Variants in GLT8D2 observed in about 807,000 individuals in gnomAD.
GLT8D2 encodes glycosyltransferase 8 domain containing 2, also known as glycosyltransferase 8 domain-containing protein 2.
In GLT8D2, 45 loss-of-function variants were observed where a neutral mutation model predicts 44.5. The observed-to-expected ratio is 1.01, with a 90% confidence interval of 0.80 to 1.30. The LOEUF is 1.30. GLT8D2 is among the 50% of genes most tolerant of loss of function. The probability of loss-of-function intolerance (pLI) is 0.00; values close to 1 mark genes in which losing one functional copy is unlikely to be tolerated. For missense variants in GLT8D2, 400 were observed against 430.4 expected (o/e 0.93, Z 0.62); for synonymous variants, 156 against 157.2 (o/e 0.99, Z 0.06).
chr12:104,023,998 G>A (rs1655011027), intron 1 of GLT8D2, among the ~76,000 whole-genome samples: 1 of 152,138 alleles, frequency 6.6e-6, no homozygotes, highest in Non-Finnish European at 1.5e-5. Flanking sequence ...GTAAACACTT[G>A]TTTACAGGTT....
intron 7 of GLT8D2, among the ~76,000 whole-genome samples, chr12:103,997,178 A>G (rs935465580): frequency 1.3e-5 from 2 of 152,224 alleles, no homozygotes; most frequent in Non-Finnish European, 2.9e-5. Context: ...CATCCGTGAC[A>G]CTTTATTTCC....
chr12:104,028,459 A>G (rs77142627), intron 1 of GLT8D2, among the ~76,000 whole-genome samples: 5,625 of 152,276 alleles, frequency 0.037, 183 homozygotes, highest in South Asian at 0.083. Context: ...TGAGGGCACT[A>G]AAGTCAAGTG....
chr12:104,018,340 T>C (rs1362233435), intron 3 of GLT8D2, among the ~76,000 whole-genome samples: 2 of 152,206 alleles, frequency 1.3e-5, no homozygotes, highest in African/African-American at 4.8e-5. Flanking sequence ...ATCTATTTTT[T>C]GGCCTCTATG....
At chr12:104,012,157 C>T (rs1283938022) in intron 4 of GLT8D2, among the ~76,000 whole-genome samples, 6 of 105,386 alleles carry the variant, frequency 5.7e-5, no homozygotes, top group Admixed American at 4.0e-4. Context: ...GCAACAAGAG[C>T]GAAACTCTGT....
In GLT8D2 at chr12:103,999,298, A is replaced by G. The variant is rs967947983; in HGVS notation, c.402+99T>C. 13 of 679,502 alleles carry G rather than the reference A, an allele frequency of 1.9e-5. No homozygotes were observed. In the Admixed American group the frequency reaches 3.0e-4, roughly 16 times the overall value. 42.1% of individuals were successfully genotyped at this position (679,502 alleles called of 1,614,324 possible). A position where few individuals can be genotyped will look rare whatever the true frequency, so the allele number is the denominator to read the frequency against. On this transcript the variant is annotated intron_variant, in intron 6 of 10. Coordinates refer to ENST00000360814, the MANE Select transcript of GLT8D2 (RefSeq NM_001384711.1). ...GTGGAGATCAACTCCACATGGCTTC[A>G]AAAATAATATTCCACATGCATCCCG...
intron 1 of GLT8D2, chr12:104,031,497 G>A (rs1290449860): frequency 2.5e-6 from 4 of 1,613,152 alleles, no homozygotes; most frequent in African/African-American, 1.3e-5. Context: ...GAGACGGTGC[G>A]CAAAGCCATG....
chr12:104,057,672 CACAAA>C (rs1882295858), intron 1 of GLT8D2, among the ~76,000 whole-genome samples: 1 of 152,094 alleles, frequency 6.6e-6, no homozygotes, highest in African/African-American at 2.4e-5. Context: ...TTTTAAACAT[CACAAA>C]ACAATTGTAA....
At chr12:104,008,002 G>A (rs554485733) in intron 4 of GLT8D2, among the ~76,000 whole-genome samples, 6 of 152,280 alleles carry the variant, frequency 3.9e-5, no homozygotes, top group Admixed American at 3.9e-4. Flanking sequence ...CTGTAAGTCC[G>A]ATTAAAACTC....
At chr12:103,992,554 G>A (rs1320456455) in intron 10 of GLT8D2, among the ~76,000 whole-genome samples, 2 of 149,648 alleles carry the variant, frequency 1.3e-5, no homozygotes, top group African/African-American at 2.5e-5. Context: ...GTGCAGTGGC[G>A]CAATCGTAGC....
intron 1 of GLT8D2, chr12:104,030,992 G>C: frequency 7.7e-7 from 1 of 1,302,492 alleles, no homozygotes; most frequent in Non-Finnish European, 1.1e-6. Context: ...GACAGTGCTA[G>C]ATGCCATTGA....
intron 8 of GLT8D2, among the ~76,000 whole-genome samples, chr12:103,995,868 C>T (rs1162228179): frequency 6.6e-6 from 1 of 152,234 alleles, no homozygotes; most frequent in Non-Finnish European, 1.5e-5. Context: ...AAGAACTTTA[C>T]ATGTACTACC....
intron 1 of GLT8D2, among the ~76,000 whole-genome samples, chr12:104,037,967 C>T (rs934061500): frequency 6.6e-6 from 1 of 152,200 alleles, no homozygotes; most frequent in Non-Finnish European, 1.5e-5. Context: ...GGCCTCATCC[C>T]TGGGATACAA....
At chr12:104,024,899 T>C (rs1275378502) in intron 1 of GLT8D2, among the ~76,000 whole-genome samples, 1 of 151,794 alleles carries the variant, frequency 6.6e-6, no homozygotes, top group Non-Finnish European at 1.5e-5. Flanking sequence ...GGTGAAACCC[T>C]TTCTCTACTA....
chr12:104,039,084 C>G (rs1175698702), intron 1 of GLT8D2, among the ~76,000 whole-genome samples: 2 of 152,106 alleles, frequency 1.3e-5, no homozygotes, highest in African/African-American at 2.4e-5. Flanking sequence ...GGAAAACTGG[C>G]TAGCCATACA....
chr12:104,003,166 C>A lies in GLT8D2; in HGVS notation c.253G>T (p.Val85Leu). The A allele has an allele frequency of 1.2e-6, 2 of 1,614,128 alleles. No homozygotes were observed. The highest frequency in any genetic ancestry group is 1.7e-6 in the Non-Finnish European group (2 of 1,180,000). Residue 85 changes from valine (V) to leucine (L), a missense_variant, in exon 5 of 11, where the codon GTG (valine) becomes TTG (leucine). By Grantham distance (32) the Val-to-Leu change is conservative. Coordinates refer to ENST00000360814, the MANE Select transcript of GLT8D2 (RefSeq NM_001384711.1). ...NTDANILFYVVGLRNTLTRIR... is the reference protein window; with the variant it reads ...NTDANILFYVLGLRNTLTRIR... Reference sequence around the variant, plus strand: ...CGAGTCAGAGTATTCCGGAGTCCCACTACATAGAACAAGATGTTGGCGTCA... The same window carrying A: ...CGAGTCAGAGTATTCCGGAGTCCCAATACATAGAACAAGATGTTGGCGTCA...
chr12:103,998,503 G>A (rs1281158732), intron 6 of GLT8D2, among the ~76,000 whole-genome samples: 4 of 151,946 alleles, frequency 2.6e-5, no homozygotes, highest in Non-Finnish European at 4.4e-5. Context: ...TCCACCTCCC[G>A]GGTTCAAGCG....
chr12:104,016,868 A>AAGAAAGAAACAAAGAAAGAC (rs1876915748), intron 3 of GLT8D2, among the ~76,000 whole-genome samples: 2 of 151,146 alleles, frequency 1.3e-5, no homozygotes, highest in Non-Finnish European at 2.9e-5. Flanking sequence ...GAAAGAAAGA[A>AAGAAAGAAACAAAGAAAGAC]AGAAAGAAAG....
At chr12:104,023,331 C>T (rs1257746470) in intron 1 of GLT8D2, among the ~76,000 whole-genome samples, 1 of 152,184 alleles carries the variant, frequency 6.6e-6, no homozygotes, top group Non-Finnish European at 1.5e-5. Context: ...CATACTATTT[C>T]TTTTTTATTA....
intron 1 of GLT8D2, among the ~76,000 whole-genome samples, chr12:104,027,880 A>G (rs1304528418): frequency 6.6e-6 from 1 of 152,216 alleles, no homozygotes; most frequent in African/African-American, 2.4e-5. Context: ...CCTTGCGGCT[A>G]CACCAGAGGT....
Sources: gnomAD v4.1 joint callset for allele counts (sites outside exome capture counted in the v4.1 genomes callset) on GRCh38, gnomAD v4.1.1 for gene constraint, MANE v1.5 for transcripts, NCBI Gene and HGNC (gene_info 2026-07-23, HGNC 2026-07-21) for gene names.